The following MACROD2 variants were observed in gnomAD, a reference collection of about 807,000 sequenced individuals.
MACROD2 encodes mono-ADP ribosylhydrolase 2.
Under a neutral mutation model 70.4 loss-of-function variants are expected in MACROD2, and 36 were observed. That is an observed-to-expected ratio of 0.51 (90% CI 0.39 to 0.68). The LOEUF is 0.68. MACROD2 is among the 30% of genes least tolerant of loss of function. The probability of loss-of-function intolerance (pLI) is 0.00; values close to 1 mark genes in which losing one functional copy is unlikely to be tolerated. For missense variants in MACROD2, 496 were observed against 538.4 expected, an observed-to-expected ratio of 0.92 and a Z score of 0.78; for synonymous variants, 172 against 178.8, an observed-to-expected ratio of 0.96 and a Z score of 0.30.
chr20:16,051,534 G>A lies in MACROD2; in HGVS notation c.*1658G>A, dbSNP rs916026280. ...AGACATCAGCAAGAATGACATTTAC[G>A]TGACCTCATAATGTGGGATTATGGC... On this transcript the variant is annotated 3_prime_UTR_variant, in exon 18 of 18. Transcript: ENST00000684519. 2.0e-5 allele frequency: 3 copies of A among 152,020 alleles called. No individual in the cohort carries two copies. Among genetic ancestry groups the A allele is most frequent in the African/African-American group, 4.8e-5 (2 of 41,404 alleles). 9.4% of individuals were successfully genotyped at this position (152,020 alleles called of 1,614,324 possible).
intron 8 of MACROD2, among the ~76,000 whole-genome samples, chr20:15,827,014 CTAAT>C (rs756444291): frequency 3.6e-4 from 55 of 152,162 alleles, no homozygotes; most frequent in Admixed American, 3.2e-3. Context: ...AAATAGTGAA[CTAAT>C]TGCCTTAAAA....
chr20:14,353,018 T>C lies in MACROD2; in HGVS notation c.272-140461T>C, dbSNP rs370603357. ...TTTGATGGTATTTTCCAGTTTATGT[T>C]TTTCATATTTGTTTAATTAAAATTA... On this transcript the variant is annotated intron_variant, in intron 3 of 17. Coordinates refer to ENST00000684519, the MANE Select transcript of MACROD2 (RefSeq NM_001351661.2). Among the ~76,000 whole-genome samples, 5 of 152,306 alleles carry C rather than the reference T, an allele frequency of 3.3e-5. No individual in the cohort carries two copies. The South Asian group carries it at 1.0e-3, about 32-fold the overall frequency.
chr20:14,781,936 T>G (rs1441617561), intron 5 of MACROD2, among the ~76,000 whole-genome samples: 1 of 151,710 alleles, frequency 6.6e-6, no homozygotes, highest in African/African-American at 2.4e-5. Context: ...TCTTTTTCCT[T>G]TTTTTTTGAG....
At chr20:15,089,014 C>G (rs2075773720) in intron 5 of MACROD2, among the ~76,000 whole-genome samples, 1 of 151,784 alleles carries the variant, frequency 6.6e-6, no homozygotes, top group African/African-American at 2.4e-5. Flanking sequence ...TTGTTTACAC[C>G]CAAGCAGTAG....
chr20:15,631,189 T>G (rs2049285370), intron 8 of MACROD2, among the ~76,000 whole-genome samples: 1 of 152,210 alleles, frequency 6.6e-6, no homozygotes, highest in East Asian at 1.9e-4. Context: ...AGAGGGATAC[T>G]GCCAAGTTCT....
At chr20:15,369,648 TA>T (rs2045463291) in intron 6 of MACROD2, among the ~76,000 whole-genome samples, 1 of 152,118 alleles carries the variant, frequency 6.6e-6, no homozygotes, top group African/African-American at 2.4e-5. Context: ...ATGGTATCTA[TA>T]AATAGAAGTG....
At chr20:14,756,481 A>G (rs2071941732) in intron 5 of MACROD2, among the ~76,000 whole-genome samples, 1 of 152,094 alleles carries the variant, frequency 6.6e-6, no homozygotes, top group Non-Finnish European at 1.5e-5. Context: ...ATGTATCCTG[A>G]TTATTAATTA....
intron 2 of MACROD2, among the ~76,000 whole-genome samples, chr20:14,038,347 G>C (rs908234190): frequency 6.6e-6 from 1 of 151,932 alleles, no homozygotes; most frequent in East Asian, 1.9e-4. Context: ...TTGTGTGCCA[G>C]GTATAGTTGT....
At chr20:14,588,608 A>G (rs192642698) in intron 4 of MACROD2, among the ~76,000 whole-genome samples, 1 of 152,142 alleles carries the variant, frequency 6.6e-6, no homozygotes, top group East Asian at 1.9e-4. Flanking sequence ...TCCTGGGTTC[A>G]AGCACTTCCC....
chr20:14,747,809 C>T (rs1000249289), intron 5 of MACROD2, among the ~76,000 whole-genome samples: 1 of 151,530 alleles, frequency 6.6e-6, no homozygotes, highest in Non-Finnish European at 1.5e-5. Flanking sequence ...AAAGTTTGAA[C>T]GTCAAATGGA....
chr20:14,776,074 G>T (rs939301669), intron 5 of MACROD2, among the ~76,000 whole-genome samples: 1 of 151,956 alleles, frequency 6.6e-6, no homozygotes, highest in African/African-American at 2.4e-5. Flanking sequence ...ACCAGATATT[G>T]CCATGACTGC....
At chr20:14,837,144 G>C (rs770973568) in intron 5 of MACROD2, among the ~76,000 whole-genome samples, 12 of 151,878 alleles carry the variant, frequency 7.9e-5, no homozygotes, top group African/African-American at 1.2e-4. Context: ...AAGTGGAAGT[G>C]TTTATTATGT....
chr20:13,995,857 T>TGGGGTTTTGGGGG lies in MACROD2; in HGVS notation c.46+52_46+53insTTTTGGGGGGGGG. On this transcript the variant is annotated intron_variant, in intron 1 of 17. Transcript: ENST00000684519. This position sits in a 1 kb window ranked among gnomAD's most constrained non-coding sequence, Gnocchi z 4.3. The stretch of plus-strand genomic sequence containing the variant: ...GGGGTGCGGGCGGTGGGGGTTAGGG[T>TGGGGTTTTGGGGG]GGGGGCGGGGGTCAGGCTGTGTGTG... 3.5e-6 allele frequency: 1 copy of TGGGGTTTTGGGGG among 284,154 alleles called. No homozygotes were observed. Among genetic ancestry groups the TGGGGTTTTGGGGG allele is most frequent in the Non-Finnish European group, 6.5e-6 (1 of 155,026 alleles). 17.6% of individuals were successfully genotyped at this position (284,154 alleles called of 1,614,324 possible). A position where few individuals can be genotyped will look rare whatever the true frequency, so the allele number is the denominator to read the frequency against.
intron 5 of MACROD2, among the ~76,000 whole-genome samples, chr20:15,198,504 T>C (rs1021857259): frequency 7.2e-5 from 11 of 152,208 alleles, no homozygotes; most frequent in Non-Finnish European, 4.4e-5. Flanking sequence ...TTTATACCTA[T>C]TTATTTACAT....
chr20:14,372,058 G>A (rs1998235), intron 3 of MACROD2, among the ~76,000 whole-genome samples: 124,323 of 151,988 alleles, frequency 0.82, 51,898 homozygotes, highest in South Asian at 0.9. Flanking sequence ...TTCCTGGTCC[G>A]TGAGGGCAGG....
chr20:15,175,727 A>G (rs1480978002), intron 5 of MACROD2, among the ~76,000 whole-genome samples: 1 of 152,216 alleles, frequency 6.6e-6, no homozygotes, highest in Non-Finnish European at 1.5e-5. Flanking sequence ...TTAGTTTTTT[A>G]TACTGATGGC....
chr20:14,398,152 A>G (rs1014825789), intron 3 of MACROD2, among the ~76,000 whole-genome samples: 1 of 152,096 alleles, frequency 6.6e-6, no homozygotes, highest in Non-Finnish European at 1.5e-5. Context: ...TTATCTGTGG[A>G]TGGACATTTA....
At position 14,213,867 on chromosome 20, in the gene MACROD2, A is replaced by G. The variant is rs890984213; in HGVS notation, c.271+128139A>G. Among the ~76,000 whole-genome samples, 7 of 152,160 alleles carry G rather than the reference A, an allele frequency of 4.6e-5. No homozygotes were observed. In the East Asian group the frequency reaches 1.4e-3, roughly 29 times the overall value. On this transcript the variant is annotated intron_variant, in intron 3 of 17. Transcript: ENST00000684519. ...ATTCTTCTCCTCAAATTAATATTCC[A>G]TCTGAGAAGCCTGAAAAGAGAAGAT...
intron 3 of MACROD2, among the ~76,000 whole-genome samples, chr20:14,379,686 C>T (rs897923101): frequency 3.3e-5 from 5 of 151,958 alleles, no homozygotes; most frequent in African/African-American, 1.2e-4. Context: ...TTCTAGGTAC[C>T]TCATTCAAGT....
Sources: gnomAD v4.1 joint callset for allele counts (sites outside exome capture counted in the v4.1 genomes callset) on GRCh38, gnomAD v4.1.1 for gene constraint, Gnocchi (gnomAD v3.1) non-coding constraint, MANE v1.5 for transcripts, NCBI Gene and HGNC (gene_info 2026-07-23, HGNC 2026-07-21) for gene names.